The following DAZAP1 variants were observed in gnomAD, a reference collection of about 807,000 sequenced individuals.
The protein encoded by DAZAP1 is DAZ-associated protein 1.
DAZAP1 carries 6 observed loss-of-function variants against 60.1 expected under a neutral mutation model. The observed-to-expected ratio is 0.10, with a 90% CI of 0.05 to 0.20. The LOEUF (loss-of-function observed/expected upper bound fraction) is 0.20. Among genes scored for constraint, DAZAP1 ranks in the 10% least tolerant of loss-of-function variants. The pLI, the probability that DAZAP1 is intolerant of heterozygous loss-of-function variation, is 1.00. For missense variants in DAZAP1, 366 were observed against 560.4 expected, an observed-to-expected ratio of 0.65 and a Z score of 3.50; for synonymous variants, 235 against 215.9, an observed-to-expected ratio of 1.09 and a Z score of -0.78.
Position 1,422,646 on chromosome 19 carries a change from G to A in DAZAP1, c.463+250G>A, listed in dbSNP as rs552636752. ...TTGAAGTTTTTACGACTTGTCATGAGTCTCGGCCTGGCTTCTGTTTTTCAC... is the reference window on the plus strand; with the variant it reads ...TTGAAGTTTTTACGACTTGTCATGAATCTCGGCCTGGCTTCTGTTTTTCAC... On this transcript the variant is annotated intron_variant, in intron 6 of 11. Transcript: ENST00000233078. This position sits in a 1 kb window ranked among gnomAD's most constrained non-coding sequence, Gnocchi z 4.5. Among the ~76,000 whole-genome samples the A allele has an allele frequency of 1.7e-4, 26 of 152,266 alleles. No homozygotes were observed. The highest frequency in any genetic ancestry group is 6.3e-4 in the African/African-American group (26 of 41,546).
chr19:1,408,872 C>CA (rs1354874976), intron 1 of DAZAP1, among the ~76,000 whole-genome samples: 1 of 152,212 alleles, frequency 6.6e-6, no homozygotes, highest in Non-Finnish European at 1.5e-5. Context: ...TCCGGCAAAA[C>CA]AGTCTGGGTT....
intron 1 of DAZAP1, among the ~76,000 whole-genome samples, chr19:1,408,378 A>G (rs1192000965): frequency 2.6e-5 from 4 of 151,814 alleles, no homozygotes; most frequent in Non-Finnish European, 5.9e-5. Flanking sequence ...CTTCCTGGCC[A>G]GGGGGACCCC....
At position 1,432,214 on chromosome 19, in the gene DAZAP1, T is replaced by G; in HGVS notation, c.872-300T>G. ...CTGAAAGAGCAATTTTGCTGTGAGGTTACTTGCTCCTTGAGTTCTTGTCTG... is the reference window on the plus strand; with the variant it reads ...CTGAAAGAGCAATTTTGCTGTGAGGGTACTTGCTCCTTGAGTTCTTGTCTG... On this transcript the variant is annotated intron_variant, in intron 10 of 11. Coordinates refer to ENST00000233078, the MANE Select transcript of DAZAP1 (RefSeq NM_018959.4). The surrounding 1 kb of genome is among the most constrained non-coding windows in gnomAD (Gnocchi z 4.9). The G allele has an allele frequency of 2.1e-6, 1 of 466,624 alleles. No individual in the cohort carries two copies. The highest frequency in any genetic ancestry group is 3.8e-6 in the Non-Finnish European group (1 of 259,912). The allele number at this position is 466,624 out of a possible 1,614,324, so 28.9% of individuals were successfully genotyped here.
In DAZAP1 at chr19:1,432,860, C is replaced by T. The variant is rs531957505; in HGVS notation, c.1048+170C>T. On this transcript the variant is annotated intron_variant, in intron 11 of 11. Transcript: ENST00000233078. This position sits in a 1 kb window ranked among gnomAD's most constrained non-coding sequence, Gnocchi z 4.9. ...TTGTTGGAGAGATCTCGTGGCAACTCGGGTCCAGCAGAAGGGAGCGTGGGA... is the reference window on the plus strand; with the variant it reads ...TTGTTGGAGAGATCTCGTGGCAACTTGGGTCCAGCAGAAGGGAGCGTGGGA... 5.7e-6 allele frequency: 4 copies of T among 704,456 alleles called. No individual in the cohort carries two copies. The highest frequency in any genetic ancestry group is 2.8e-5 in the East Asian group (1 of 35,798). The allele number at this position is 704,456 out of a possible 1,614,324, so 43.6% of individuals were successfully genotyped here. A position where few individuals can be genotyped will look rare whatever the true frequency, so the allele number is the denominator to read the frequency against.
At position 1,433,005 on chromosome 19, in the gene DAZAP1, A is replaced by C. The variant is rs2083493126; in HGVS notation, c.1048+315A>C. ...GCAGGCAGCTGTGATCACTGTCTAG[A>C]GGTTCAGGCCCTCGGTGTGGGTCCC... On this transcript the variant is annotated intron_variant, in intron 11 of 11. Coordinates refer to ENST00000233078, the MANE Select transcript of DAZAP1 (RefSeq NM_018959.4). The surrounding 1 kb of genome is among the most constrained non-coding windows in gnomAD (Gnocchi z 6.1). 3.0e-6 allele frequency: 1 copy of C among 329,364 alleles called. No homozygotes were observed. Among genetic ancestry groups the C allele is most frequent in the South Asian group, 4.5e-5 (1 of 22,096 alleles). The allele number at this position is 329,364 out of a possible 1,614,324, so 20.4% of individuals were successfully genotyped here.
chr19:1,434,547 T>G lies in DAZAP1; in HGVS notation c.1049-190T>G. 1.8e-6 allele frequency: 1 copy of G among 567,054 alleles called. No homozygotes were observed. Among genetic ancestry groups the G allele is most frequent in the Non-Finnish European group, 3.1e-6 (1 of 320,440 alleles). 35.1% of individuals were successfully genotyped at this position (567,054 alleles called of 1,614,324 possible). A position where few individuals can be genotyped will look rare whatever the true frequency, so the allele number is the denominator to read the frequency against. ...TCTGTGTGTGCCCCTGCTCACATGT[T>G]TTTGAGGGAGAGAACATGCCCGGGG... On this transcript the variant is annotated intron_variant, in intron 11 of 11. Transcript: ENST00000233078. This position sits in a 1 kb window ranked among gnomAD's most constrained non-coding sequence, Gnocchi z 8.0.
At position 1,433,535 on chromosome 19, in the gene DAZAP1, T is replaced by A; in HGVS notation, c.1048+845T>A. ...GAGGTGCCCGCCCACCCACCTCGCA[T>A]GGCTGTGGTTCCCCTGCCCCCACGC... On this transcript the variant is annotated intron_variant, in intron 11 of 11. Coordinates refer to ENST00000233078, the MANE Select transcript of DAZAP1 (RefSeq NM_018959.4). The surrounding 1 kb of genome is among the most constrained non-coding windows in gnomAD (Gnocchi z 6.1). The A allele has an allele frequency of 5.5e-5, 29 of 529,648 alleles. No homozygotes were observed. The highest frequency in any genetic ancestry group is 6.9e-5 in the Non-Finnish European group (20 of 291,800). 32.8% of individuals were successfully genotyped at this position (529,648 alleles called of 1,614,324 possible). A position where few individuals can be genotyped will look rare whatever the true frequency, so the allele number is the denominator to read the frequency against.
intron 6 of DAZAP1, among the ~76,000 whole-genome samples, chr19:1,424,281 C>T (rs953772191): frequency 2.6e-5 from 4 of 151,104 alleles, no homozygotes; most frequent in Non-Finnish European, 4.4e-5. Context: ...GCGCTCCTCT[C>T]GCTGTGTGCC....
At chr19:1,427,187 C>T (rs754577164) in intron 7 of DAZAP1, 51 of 152,348 alleles carry the variant, frequency 3.3e-4, no homozygotes, top group Admixed American at 1.3e-3. Context: ...ACAAGCAGGG[C>T]TTCAAGGAGT....
In DAZAP1 at chr19:1,430,261, C is replaced by CCCCCCCCCCCCCCCTTCACAACAAAAAAA; in HGVS notation, c.770_771insCCCCCCCCCCCCCCTTCACAACAAAAAAA (p.Phe262LeufsTer83). The CCCCCCCCCCCCCCCTTCACAACAAAAAAA allele has an allele frequency of 7.7e-7, 1 of 1,293,870 alleles. No individual in the cohort carries two copies. Among genetic ancestry groups the CCCCCCCCCCCCCCCTTCACAACAAAAAAA allele is most frequent in the Non-Finnish European group, 1.1e-6 (1 of 920,022 alleles). 80.1% of individuals were successfully genotyped at this position (1,293,870 alleles called of 1,614,324 possible). A position where few individuals can be genotyped will look rare whatever the true frequency, so the allele number is the denominator to read the frequency against. ...CCCCCTGCAGGAAGAGGAGCCCCCC[C>CCCCCCCCCCCCCCCTTCACAACAAAAAAA]GCCACCCCCACCGTTCACCTCCTAC... On this transcript the variant is annotated frameshift_variant, in exon 10 of 12. Transcript: ENST00000233078. LOFTEE classifies it high-confidence loss of function.
Position 1,418,893 on chromosome 19 carries a change from CGTGA to C in DAZAP1, c.303+166_303+169del, listed in dbSNP as rs1372231439. 1.3e-5 allele frequency among the ~76,000 whole-genome samples: 2 copies of C among 152,128 alleles called. No homozygotes were observed. The highest frequency in any genetic ancestry group is 2.9e-5 in the Non-Finnish European group (2 of 68,026). ...GAGGATCACCCAGATTTATCAGTGC[CGTGA>C]GTGTTTTACAGCCAAGAAAATTCTT... On this transcript the variant is annotated intron_variant, in intron 4 of 11. Coordinates refer to ENST00000233078, the MANE Select transcript of DAZAP1 (RefSeq NM_018959.4). The surrounding 1 kb of genome is among the most constrained non-coding windows in gnomAD (Gnocchi z 5.7).
In DAZAP1 at chr19:1,433,789, TAC is replaced by T; in HGVS notation, c.1049-946_1049-945del. On this transcript the variant is annotated intron_variant, in intron 11 of 11. Coordinates refer to ENST00000233078, the MANE Select transcript of DAZAP1 (RefSeq NM_018959.4). The surrounding 1 kb of genome is among the most constrained non-coding windows in gnomAD (Gnocchi z 6.1). The stretch of plus-strand genomic sequence containing the variant: ...GCCGGGCTGCGGCCCACACTTTGTT[TAC>T]AGTCTTATGGTCAGGCTGAGCAGTG... 5 of 1,614,022 alleles carry T rather than the reference TAC, an allele frequency of 3.1e-6. No homozygotes were observed. Among genetic ancestry groups the T allele is most frequent in the South Asian group, 1.1e-5 (1 of 91,088 alleles).
In DAZAP1 at chr19:1,415,394, G is replaced by GTGTT. The variant is rs1569048405; in HGVS notation, c.30-2105_30-2104insGTTT. On this transcript the variant is annotated intron_variant, in intron 1 of 11. Transcript: ENST00000233078. ...GTGTGTGTGTGTGTGTGTGTGTTTTGTTTTTTTTTTTTTTTTTGAGAACTG... is the reference window on the plus strand; with the variant it reads ...GTGTGTGTGTGTGTGTGTGTGTTTTGTGTTTTTTTTTTTTTTTTTTTGAGAACTG... Among the ~76,000 whole-genome samples the GTGTT allele has an allele frequency of 3.9e-3, 273 of 69,810 alleles. 1 individual carries two copies. Among genetic ancestry groups the GTGTT allele is most frequent in the African/African-American group, 0.012 (258 of 21,266 alleles). The allele number at this position is 69,810 out of a possible 152,430, so 45.8% of individuals were successfully genotyped here. A position where few individuals can be genotyped will look rare whatever the true frequency, so the allele number is the denominator to read the frequency against.
Position 1,428,183 on chromosome 19 carries a change from C to T in DAZAP1, c.547-659C>T, listed in dbSNP as rs2083352100. 1 of 152,352 alleles carries T rather than the reference C, an allele frequency of 6.6e-6. No homozygotes were observed. The highest frequency in any genetic ancestry group is 1.5e-5 in the Non-Finnish European group (1 of 68,188). 9.4% of individuals were successfully genotyped at this position (152,352 alleles called of 1,614,324 possible). A position where few individuals can be genotyped will look rare whatever the true frequency, so the allele number is the denominator to read the frequency against. ...CTGAGCGAACACAGTATGAAGATTG[C>T]TTACTGATCCAAATGTCCATTTTAT... On this transcript the variant is annotated intron_variant, in intron 7 of 11. Coordinates refer to ENST00000233078, the MANE Select transcript of DAZAP1 (RefSeq NM_018959.4). The surrounding 1 kb of genome is among the most constrained non-coding windows in gnomAD (Gnocchi z 4.0).
At chr19:1,407,828 G>A in intron 1 of DAZAP1, 26 bp downstream of exon 1, 1 of 1,066,156 alleles carries the variant, frequency 9.4e-7, no homozygotes, top group Non-Finnish European at 1.1e-6. Flanking sequence ...GCGGGCCTGC[G>A]TCTCCGCCCC....
At position 1,428,899 on chromosome 19, in the gene DAZAP1, G is replaced by T; in HGVS notation, c.604G>T (p.Gly202Cys). The T allele has an allele frequency of 6.2e-7, 1 of 1,613,048 alleles. No individual in the cohort carries two copies. Among genetic ancestry groups the T allele is most frequent in the Non-Finnish European group, 8.5e-7 (1 of 1,179,900 alleles). ...CAAGAGCCAAGCGCCGGGACAGCCA[G>T]GTGCCAGCCAGTGGGGGAGCCGGGT... ...DSKSQAPGQP[G>C]ASQWGSRVVP... Residue 202 changes from glycine (G) to cysteine (C), a missense_variant, in exon 8 of 12, where the codon GGT (glycine) becomes TGT (cysteine). Coordinates refer to ENST00000233078, the MANE Select transcript of DAZAP1 (RefSeq NM_018959.4). This position sits in a 1 kb window ranked among gnomAD's most constrained non-coding sequence, Gnocchi z 4.0.
In DAZAP1 at chr19:1,434,730, C is replaced by G. The variant is rs750975077; in HGVS notation, c.1049-7C>G. On this transcript the variant is annotated splice_region_variant and splice_polypyrimidine_tract_variant and intron_variant, in intron 11 of 11. Coordinates refer to ENST00000233078, the MANE Select transcript of DAZAP1 (RefSeq NM_018959.4). This position sits in a 1 kb window ranked among gnomAD's most constrained non-coding sequence, Gnocchi z 8.0. ...CCGCCCCGAGCTCACAGGACTTTCT[C>G]CCCCAGCAGGTTACGGGCAGGACTT... 2 of 1,610,826 alleles carry G rather than the reference C, an allele frequency of 1.2e-6. No individual in the cohort carries two copies. Among genetic ancestry groups the G allele is most frequent in the South Asian group, 1.1e-5 (1 of 90,950 alleles).
At position 1,433,754 on chromosome 19, in the gene DAZAP1, C is replaced by G. The variant is rs1252907277; in HGVS notation, c.1049-983C>G. On this transcript the variant is annotated intron_variant, in intron 11 of 11. Coordinates refer to ENST00000233078, the MANE Select transcript of DAZAP1 (RefSeq NM_018959.4). The surrounding 1 kb of genome is among the most constrained non-coding windows in gnomAD (Gnocchi z 6.1). ...CTCTTGCCAGGCCTGGGTTCCTATT[C>G]TCCAGCCCCGCCGGGCTGCGGCCCA... The G allele has an allele frequency of 5.0e-6, 8 of 1,613,790 alleles. No individual in the cohort carries two copies. The highest frequency in any genetic ancestry group is 3.3e-5 in the Admixed American group (2 of 60,006).
In DAZAP1 at chr19:1,423,437, G is replaced by A. The variant is rs1210059010; in HGVS notation, c.463+1041G>A. On this transcript the variant is annotated intron_variant, in intron 6 of 11. Transcript: ENST00000233078. The surrounding 1 kb of genome is among the most constrained non-coding windows in gnomAD (Gnocchi z 6.8). ...CTCTTTAGATTTCTCTTCTCCAGGT[G>A]CTAAATTATATCACACAGGTACAGG... Among the ~76,000 whole-genome samples the A allele has an allele frequency of 6.6e-6, 1 of 152,226 alleles. No individual in the cohort carries two copies. Among genetic ancestry groups the A allele is most frequent in the East Asian group, 1.9e-4 (1 of 5,198 alleles).
Sources: gnomAD v4.1 joint callset for allele counts (sites outside exome capture counted in the v4.1 genomes callset) on GRCh38, gnomAD v4.1.1 for gene constraint, Gnocchi (gnomAD v3.1) non-coding constraint, MANE v1.5 for transcripts, NCBI Gene and HGNC (gene_info 2026-07-23, HGNC 2026-07-21) for gene names.